LAMA2: variants seen among roughly 807,000 people sequenced by gnomAD.
The protein encoded by LAMA2 is laminin subunit alpha 2.
A neutral mutation model predicts 364.8 loss-of-function variants in LAMA2; 269 were observed. The observed-to-expected ratio is 0.74, with a 90% confidence interval of 0.67 to 0.82. The LOEUF is 0.82. Ranked by LOEUF, LAMA2 falls within the 40% of genes least tolerant of loss-of-function variation. LAMA2 has a pLI of 0.00. For synonymous variants in LAMA2, 1,379 were observed against 1,370.6 expected (o/e 1.01, Z -0.14); for missense variants, 3,807 against 3,873.2 (o/e 0.98, Z 0.45).
At chr6:128,982,875 C>T (rs1233243215) in intron 1 of LAMA2, among the ~76,000 whole-genome samples, 1 of 149,532 alleles carries the variant, frequency 6.7e-6, no homozygotes, top group Non-Finnish European at 1.5e-5. Flanking sequence ...GGTTTTTTGT[C>T]CTTGTGATAG....
intron 62 of LAMA2, among the ~76,000 whole-genome samples, chr6:129,511,013 G>C (rs1786526418): frequency 6.6e-6 from 1 of 152,230 alleles, no homozygotes; most frequent in East Asian, 1.9e-4. Context: ...TTCAGCTTCA[G>C]CTTTTGCACT....
chr6:129,029,753 A>G (rs1786094979), intron 1 of LAMA2, among the ~76,000 whole-genome samples: 1 of 152,076 alleles, frequency 6.6e-6, no homozygotes, highest in Admixed American at 6.6e-5. Flanking sequence ...TATGGAAATG[A>G]TTGTAGCAAG....
intron 1 of LAMA2, among the ~76,000 whole-genome samples, chr6:129,048,121 G>C (rs956402872): frequency 1.3e-5 from 2 of 152,208 alleles, no homozygotes; most frequent in Non-Finnish European, 2.9e-5. Flanking sequence ...TGTAGGAACA[G>C]TGTCTGACAA....
In LAMA2 at chr6:129,460,169, T is replaced by C. The variant is rs368941367; in HGVS notation, c.6868-31T>C. The C allele has an allele frequency of 3.5e-4, 569 of 1,609,196 alleles. 2 individuals carry two copies. In the Middle Eastern group the frequency reaches 8.3e-3, roughly 23 times the overall value. On this transcript the variant is annotated intron_variant, in intron 48 of 64. Coordinates refer to ENST00000421865, the MANE Select transcript of LAMA2 (RefSeq NM_000426.4). Reference sequence around the variant, plus strand: ...CCAAGATTATTTGTGAAATTCCAAATTCTAGCAAATAACGGTATTTCTTTC... The same window carrying C: ...CCAAGATTATTTGTGAAATTCCAAACTCTAGCAAATAACGGTATTTCTTTC...
chr6:129,342,170 A>G (rs1776302643), intron 29 of LAMA2, among the ~76,000 whole-genome samples, 173 bp from the exon 30 acceptor site: 1 of 152,194 alleles, frequency 6.6e-6, no homozygotes, highest in Non-Finnish European at 1.5e-5. Flanking sequence ...CTTTAAAAAT[A>G]TTTATATCAA....
At chr6:129,090,124 G>A (rs73596777) in intron 3 of LAMA2, among the ~76,000 whole-genome samples, 4,609 of 152,228 alleles carry the variant, frequency 0.03, 241 homozygotes, top group African/African-American at 0.1. Flanking sequence ...AGATGCATTA[G>A]CAAGCTTTTT....
chr6:129,239,971 A>G (rs1179390343), intron 12 of LAMA2, among the ~76,000 whole-genome samples: 4 of 152,192 alleles, frequency 2.6e-5, no homozygotes, highest in Non-Finnish European at 4.4e-5. Flanking sequence ...AGTAGCAAGA[A>G]AGCCAGTTCG....
At chr6:129,323,990 C>G (rs1161874073) in intron 28 of LAMA2, among the ~76,000 whole-genome samples, 1 of 152,174 alleles carries the variant, frequency 6.6e-6, no homozygotes, top group African/African-American at 2.4e-5. Flanking sequence ...ATCGTCAACA[C>G]ATAAAGCCCA....
chr6:128,886,844 T>G (rs1166083161), intron 1 of LAMA2, among the ~76,000 whole-genome samples: 1 of 152,214 alleles, frequency 6.6e-6, no homozygotes, highest in Non-Finnish European at 1.5e-5. Flanking sequence ...AGCAACTTGC[T>G]TCTGGAAATG....
At chr6:129,135,490 G>T (rs1057164386) in intron 4 of LAMA2, among the ~76,000 whole-genome samples, 14 of 152,208 alleles carry the variant, frequency 9.2e-5, no homozygotes, top group African/African-American at 1.9e-4. Flanking sequence ...CAGATCACAT[G>T]CAAGAGTGTC....
At chr6:129,263,623 G>A (rs1209794742) in intron 15 of LAMA2, among the ~76,000 whole-genome samples, 2 of 150,370 alleles carry the variant, frequency 1.3e-5, no homozygotes, top group Non-Finnish European at 3.0e-5. Context: ...AAGGCCATGA[G>A]GAGATTTGCA....
intron 37 of LAMA2, among the ~76,000 whole-genome samples, chr6:129,396,429 G>T (rs1779621756): frequency 6.6e-6 from 1 of 152,202 alleles, no homozygotes; most frequent in Non-Finnish European, 1.5e-5. Flanking sequence ...ACCCCAGCCA[G>T]AGCTTTGGAA....
chr6:129,300,646 A>G, intron 21 of LAMA2, 90 bp from the exon 22 acceptor site: 1 of 1,364,026 alleles, frequency 7.3e-7, no homozygotes, highest in South Asian at 1.2e-5. Flanking sequence ...AAAGAAAATA[A>G]GACAAACCAA....
chr6:129,136,608 A>G (rs1777810616), intron 4 of LAMA2, among the ~76,000 whole-genome samples: 1 of 151,944 alleles, frequency 6.6e-6, no homozygotes, highest in Non-Finnish European at 1.5e-5. Flanking sequence ...TAGTTTCACT[A>G]GCAGAAAAGA....
chr6:129,157,889 T>C (rs1779216712), intron 8 of LAMA2: 2 of 1,614,232 alleles, frequency 1.2e-6, no homozygotes, highest in East Asian at 4.5e-5. Context: ...CGTCCAGCAC[T>C]TCTGGAGCCA....
chr6:129,107,301 A>T (rs887594144), intron 4 of LAMA2, among the ~76,000 whole-genome samples: 3 of 152,148 alleles, frequency 2.0e-5, no homozygotes, highest in Non-Finnish European at 4.4e-5. Flanking sequence ...CCTCTACGAT[A>T]TGATAGTATT....
intron 12 of LAMA2, among the ~76,000 whole-genome samples, chr6:129,227,694 G>A (rs7771079): frequency 0.14 from 20,649 of 152,028 alleles, 3,551 homozygotes; most frequent in African/African-American, 0.4. Context: ...TGGAAGCTTC[G>A]TCTCAGAGGG....
intron 22 of LAMA2, among the ~76,000 whole-genome samples, chr6:129,310,224 G>A (rs867043253): frequency 2.0e-5 from 3 of 152,254 alleles, no homozygotes; most frequent in Non-Finnish European, 2.9e-5. Flanking sequence ...AACAGAATCT[G>A]GGAAGATTTT....
At chr6:128,925,560 A>G (rs1779036396) in intron 1 of LAMA2, among the ~76,000 whole-genome samples, 1 of 152,198 alleles carries the variant, frequency 6.6e-6, no homozygotes, top group Admixed American at 6.5e-5. Context: ...TGCAAGATGA[A>G]AAGCATTCTG....
Sources: allele counts gnomAD v4.1 joint callset (sites outside exome capture counted in the v4.1 genomes callset), GRCh38; gene constraint gnomAD v4.1.1; transcripts MANE v1.5; gene names NCBI Gene and HGNC (gene_info 2026-07-23, HGNC 2026-07-21).